MSRA: variants seen among roughly 807,000 people sequenced by gnomAD.
The protein encoded by MSRA is methionine sulfoxide reductase A, also known as mitochondrial peptide methionine sulfoxide reductase.
MSRA carries 54 observed loss-of-function variants against 31.3 expected under a neutral mutation model. The observed-to-expected ratio is 1.73, with a 90% confidence interval of 1.39 to 2.17. The LOEUF is 2.17. MSRA is among the 30% of genes most tolerant of loss of function. The pLI, the probability that MSRA is intolerant of heterozygous loss-of-function variation, is 0.00. For synonymous variants in MSRA, 169 were observed against 116.5 expected, an observed-to-expected ratio of 1.45 and a Z score of -2.90; for missense variants, 507 against 300.9, an observed-to-expected ratio of 1.69 and a Z score of -5.07.
At chr8:10,400,375 G>GTGTC (rs1807380006) in intron 5 of MSRA, among the ~76,000 whole-genome samples, 1 of 27,492 alleles carries the variant, frequency 3.6e-5, no homozygotes, top group Non-Finnish European at 2.6e-4. Context: ...GTGTGTGTGT[G>GTGTC]TGTGTGTGTA....
At position 10,320,115 on chromosome 8, in the gene MSRA, TTC is replaced by T. The variant is rs1801964548; in HGVS notation, c.543+128_543+129del. 6 of 616,036 alleles carry T rather than the reference TTC, an allele frequency of 9.7e-6. 1 individual carries two copies. Among genetic ancestry groups the T allele is most frequent in the South Asian group, 2.4e-5 (1 of 41,326 alleles). The allele number at this position is 616,036 out of a possible 1,614,324, so 38.2% of individuals were successfully genotyped here. On this transcript the variant is annotated intron_variant, in intron 5 of 5. Transcript: ENST00000317173. ...TTTTATTTGCACATCTCTTAGAAAT[TTC>T]TGTCAGCCTCTAGGAGTGGAGCCAT...
At chr8:10,310,226 G>T (rs553433945) in intron 4 of MSRA, among the ~76,000 whole-genome samples, 2 of 152,180 alleles carry the variant, frequency 1.3e-5, no homozygotes, top group Admixed American at 1.3e-4. Context: ...ACTCGGATTG[G>T]AAGAACAGCT....
intron 1 of MSRA, among the ~76,000 whole-genome samples, chr8:10,168,608 A>G (rs904698523): frequency 1.3e-5 from 2 of 152,216 alleles, no homozygotes; most frequent in African/African-American, 4.8e-5. Flanking sequence ...AGTCTATTTT[A>G]CAGATCAAGA....
chr8:10,248,850 C>T (rs1797768262), intron 3 of MSRA, among the ~76,000 whole-genome samples: 1 of 152,156 alleles, frequency 6.6e-6, no homozygotes, highest in Non-Finnish European at 1.5e-5. Context: ...GGGGCGGTCT[C>T]TTAGGAATTT....
intron 1 of MSRA, among the ~76,000 whole-genome samples, chr8:10,177,449 G>A (rs1243624402): frequency 1.4e-5 from 2 of 143,916 alleles, no homozygotes; most frequent in Non-Finnish European, 3.1e-5. Context: ...ATAACTTTTT[G>A]TTGATACATT....
Position 10,142,602 on chromosome 8 carries a change from C to G in MSRA, c.143-65231C>G, listed in dbSNP as rs868213016. On this transcript the variant is annotated intron_variant, in intron 1 of 5. Transcript: ENST00000317173. ...TTAAATATCTGCAGTGTCTGAATTT[C>G]TTTAACCTTCCCTCCAATCTTTAGT... 7.2e-4 allele frequency among the ~76,000 whole-genome samples: 110 copies of G among 152,342 alleles called. 2 individuals are homozygous for G. Among genetic ancestry groups the G allele is most frequent in the African/African-American group, 2.4e-3 (100 of 41,588 alleles).
chr8:10,327,252 C>T (rs531946632), intron 5 of MSRA, among the ~76,000 whole-genome samples: 1 of 152,176 alleles, frequency 6.6e-6, no homozygotes, highest in South Asian at 2.1e-4. Context: ...GTTTGTCCAC[C>T]CTTCCATCCA....
intron 2 of MSRA, among the ~76,000 whole-genome samples, chr8:10,212,188 A>T (rs1008745504): frequency 2.6e-5 from 4 of 151,902 alleles, no homozygotes; most frequent in Admixed American, 6.5e-5. Flanking sequence ...CTCTGTCTAA[A>T]AAAAAAAAAA....
intron 1 of MSRA, among the ~76,000 whole-genome samples, chr8:10,055,787 C>T (rs746353247): frequency 2.6e-5 from 4 of 152,198 alleles, no homozygotes; most frequent in Middle Eastern, 3.4e-3. Context: ...TTTGTCATCT[C>T]GTAGAATAAT....
chr8:10,342,712 G>C (rs1343462135), intron 5 of MSRA, among the ~76,000 whole-genome samples: 3 of 152,176 alleles, frequency 2.0e-5, no homozygotes, highest in Non-Finnish European at 4.4e-5. Context: ...GAGCCCCAAA[G>C]AGGTAAAGCA....
chr8:10,288,210 T>G (rs1800040319), intron 3 of MSRA, among the ~76,000 whole-genome samples: 1 of 152,224 alleles, frequency 6.6e-6, no homozygotes. Flanking sequence ...AAGCGGCCTT[T>G]TTAGACATTT....
intron 1 of MSRA, among the ~76,000 whole-genome samples, chr8:10,167,037 G>C (rs1355091567): frequency 6.6e-6 from 1 of 152,180 alleles, no homozygotes; most frequent in African/African-American, 2.4e-5. Flanking sequence ...GCAAAGTGCA[G>C]AGCCAAATAT....
At chr8:10,327,232 G>A (rs1480595523) in intron 5 of MSRA, among the ~76,000 whole-genome samples, 10 of 152,186 alleles carry the variant, frequency 6.6e-5, no homozygotes, top group South Asian at 2.1e-4. Flanking sequence ...GTATCTATCC[G>A]TCTCTCAGTG....
At chr8:10,286,987 C>A (rs1799972191) in intron 3 of MSRA, among the ~76,000 whole-genome samples, 1 of 152,196 alleles carries the variant, frequency 6.6e-6, no homozygotes, top group African/African-American at 2.4e-5. Flanking sequence ...AGCGATTCGT[C>A]CAAATCAAAT....
At chr8:10,251,767 A>G (rs932658300) in intron 3 of MSRA, among the ~76,000 whole-genome samples, 3 of 152,194 alleles carry the variant, frequency 2.0e-5, no homozygotes, top group Admixed American at 6.5e-5. Flanking sequence ...AGGTAATGAG[A>G]AAACAGCTGG....
rs151317266 is a variant in MSRA, at chr8:10,172,654, T to G, written c.143-35179T>G. 1.0e-3 allele frequency among the ~76,000 whole-genome samples: 154 copies of G among 152,230 alleles called. 1 individual carries two copies. Among genetic ancestry groups the G allele is most frequent in the African/African-American group, 3.6e-3 (150 of 41,538 alleles). On this transcript the variant is annotated intron_variant, in intron 1 of 5. Coordinates refer to ENST00000317173, the MANE Select transcript of MSRA (RefSeq NM_012331.5). ...CTCCACTTGATATTGTAAATACCAA[T>G]TGGAAGTTGGAGTGAACTTCTAAGA... is the stretch of plus-strand genomic sequence containing the variant.
chr8:10,405,698 T>G (rs1482971757), intron 5 of MSRA, among the ~76,000 whole-genome samples: 1 of 152,198 alleles, frequency 6.6e-6, no homozygotes, highest in East Asian at 1.9e-4. Flanking sequence ...GGAGGAAGAA[T>G]GCATACACAA....
chr8:10,192,300 A>ATACCT (rs1436902347), intron 1 of MSRA, among the ~76,000 whole-genome samples: 1 of 152,210 alleles, frequency 6.6e-6, no homozygotes, highest in Non-Finnish European at 1.5e-5. Flanking sequence ...ATTTGTGGCT[A>ATACCT]TACCTTTAGA....
At chr8:10,354,750 GTATATA>G (rs754778002) in intron 5 of MSRA, among the ~76,000 whole-genome samples, 2,199 of 138,376 alleles carry the variant, frequency 0.016, 51 homozygotes, top group African/African-American at 0.056. Context: ...GTGTGTGTGT[GTATATA>G]TATATATATA....
Sources: gnomAD v4.1 joint callset for allele counts (sites outside exome capture counted in the v4.1 genomes callset) on GRCh38, gnomAD v4.1.1 for gene constraint, MANE v1.5 for transcripts, NCBI Gene and HGNC (gene_info 2026-07-23, HGNC 2026-07-21) for gene names.